GALNT1: variants seen among roughly 807,000 people sequenced by gnomAD.
The protein encoded by GALNT1 is polypeptide N-acetylgalactosaminyltransferase 1, also known as GalNAc transferase 1.
Under a neutral mutation model 65.7 loss-of-function variants are expected in GALNT1, and 17 were observed. The observed-to-expected ratio is 0.26, with a 90% CI of 0.18 to 0.39. GALNT1 has a LOEUF of 0.39. Among genes scored for constraint, GALNT1 ranks in the 10% least tolerant of loss-of-function variants. GALNT1 has a pLI of 1.00. For missense variants in GALNT1, 460 were observed against 672.8 expected (o/e 0.68, Z 3.50); for synonymous variants, 210 against 219.7 (o/e 0.96, Z 0.39).
intron 1 of GALNT1, among the ~76,000 whole-genome samples, chr18:35,589,727 T>C (rs1007921734): frequency 5.9e-5 from 9 of 152,198 alleles, no homozygotes; most frequent in Non-Finnish European, 1.2e-4. Context: ...ATAGGGAAAA[T>C]ACATCTGCTT....
chr18:35,691,495 C>T (rs940049172), intron 8 of GALNT1, among the ~76,000 whole-genome samples: 12 of 152,000 alleles, frequency 7.9e-5, no homozygotes, highest in African/African-American at 2.7e-4. Flanking sequence ...GAAGTTTCAT[C>T]TTGTTAAATT....
intron 2 of GALNT1, among the ~76,000 whole-genome samples, chr18:35,656,657 G>C (rs1036150204): frequency 6.6e-6 from 1 of 152,232 alleles, no homozygotes; most frequent in African/African-American, 2.4e-5. Flanking sequence ...GCCTTTTATG[G>C]CATGCTAGGG....
intron 1 of GALNT1, chr18:35,596,060 G>C (rs2046500610): frequency 6.6e-6 from 1 of 152,204 alleles, no homozygotes; most frequent in African/African-American, 2.4e-5. Flanking sequence ...GAAAACAGCA[G>C]AGAGTTTGGA....
chr18:35,607,080 C>T lies in GALNT1; in HGVS notation c.-104+25218C>T, dbSNP rs548336686. Among the ~76,000 whole-genome samples the T allele has an allele frequency of 9.1e-4, 139 of 152,152 alleles. 1 individual carries two copies. Among genetic ancestry groups the T allele is most frequent in the African/African-American group, 3.2e-3 (132 of 41,506 alleles). On this transcript the variant is annotated intron_variant, in intron 1 of 11. Coordinates refer to ENST00000269195, the MANE Select transcript of GALNT1 (RefSeq NM_020474.4). ...TCAGTAGCACCTGCTGTGATATGAC[C>T]TGGCTTGAAAAGATAAGTAGGCTGG...
chr18:35,632,921 A>G (rs1481384069), intron 1 of GALNT1, among the ~76,000 whole-genome samples: 3 of 152,268 alleles, frequency 2.0e-5, no homozygotes, highest in African/African-American at 4.8e-5. Context: ...GAAGACATTT[A>G]TGCAGCCAAA....
At chr18:35,622,585 C>T (rs182782747) in intron 1 of GALNT1, among the ~76,000 whole-genome samples, 121 of 152,312 alleles carry the variant, frequency 7.9e-4, no homozygotes, top group Non-Finnish European at 1.4e-3. Flanking sequence ...GTACAGAAGA[C>T]GTCAACTGAA....
At chr18:35,706,717 C>T (rs2048268244) in intron 11 of GALNT1, among the ~76,000 whole-genome samples, 1 of 152,106 alleles carries the variant, frequency 6.6e-6, no homozygotes, top group Non-Finnish European at 1.5e-5. Context: ...ATACCTCCCT[C>T]TCCCTGGGCA....
intron 9 of GALNT1, among the ~76,000 whole-genome samples, chr18:35,697,907 A>T (rs1308826907): frequency 6.6e-6 from 1 of 152,226 alleles, no homozygotes; most frequent in East Asian, 1.9e-4. Context: ...AACAATTCCT[A>T]TGAAGAGGAC....
chr18:35,706,117 TG>T (rs997800669), intron 11 of GALNT1, among the ~76,000 whole-genome samples: 3 of 152,162 alleles, frequency 2.0e-5, no homozygotes, highest in Non-Finnish European at 4.4e-5. Flanking sequence ...ATAGAGGGAT[TG>T]GGAAAGACTG....
chr18:35,631,085 C>G (rs186846652), intron 1 of GALNT1, among the ~76,000 whole-genome samples: 52 of 152,212 alleles, frequency 3.4e-4, no homozygotes, highest in Non-Finnish European at 6.6e-4. Flanking sequence ...CAAAAAAAGT[C>G]CAGAACCGGC....
chr18:35,686,966 T>C (rs1210798495), intron 5 of GALNT1, 50 bp from the exon 6 acceptor site: 2 of 1,552,504 alleles, frequency 1.3e-6, no homozygotes, highest in Non-Finnish European at 1.8e-6. Context: ...GTAGTTGGCA[T>C]TAAACAGGAA....
chr18:35,667,647 T>C (rs2047568673), intron 3 of GALNT1, among the ~76,000 whole-genome samples: 1 of 152,226 alleles, frequency 6.6e-6, no homozygotes, highest in Non-Finnish European at 1.5e-5. Context: ...TCTTTTAGTC[T>C]GTAGGTTCCT....
At chr18:35,617,925 CTCT>C (rs772835272) in intron 1 of GALNT1, among the ~76,000 whole-genome samples, 57 of 152,160 alleles carry the variant, frequency 3.7e-4, no homozygotes, top group Non-Finnish European at 4.3e-4. Context: ...CTCTCCCTTT[CTCT>C]TCTTCTTTTC....
Position 35,646,345 on chromosome 18 carries a change from C to T in GALNT1, c.-103-8215C>T, listed in dbSNP as rs550021460. 9.7e-4 allele frequency among the ~76,000 whole-genome samples: 147 copies of T among 152,210 alleles called. 3 individuals are homozygous for T. The South Asian group carries it at 0.01, about 11-fold the overall frequency. The stretch of plus-strand genomic sequence containing the variant: ...CAACATGAGATTTGGGTGGGGACAC[C>T]GAGCCAAACTATATCAAGCATCTTA... On this transcript the variant is annotated intron_variant, in intron 1 of 11. Coordinates refer to ENST00000269195, the MANE Select transcript of GALNT1 (RefSeq NM_020474.4).
At chr18:35,627,350 G>A (rs1445230354) in intron 1 of GALNT1, 1 of 152,268 alleles carries the variant, frequency 6.6e-6, no homozygotes, top group Non-Finnish European at 1.5e-5. Flanking sequence ...CTACAGTTAA[G>A]TGGAACAGGG....
chr18:35,625,500 A>T (rs2046906024), intron 1 of GALNT1, among the ~76,000 whole-genome samples: 1 of 152,236 alleles, frequency 6.6e-6, no homozygotes, highest in Non-Finnish European at 1.5e-5. Flanking sequence ...TAGGTAGGAC[A>T]TTACAGTTAC....
chr18:35,591,250 G>A (rs2046440244), intron 1 of GALNT1, among the ~76,000 whole-genome samples: 1 of 152,190 alleles, frequency 6.6e-6, no homozygotes, highest in South Asian at 2.1e-4. Context: ...TTTGAGAAGG[G>A]GATGCAACAC....
rs188807354 is a variant in GALNT1 at position 35,599,842 on chromosome 18, G to A, written c.-104+17980G>A. Among the ~76,000 whole-genome samples, 59 of 152,262 alleles carry A rather than the reference G, an allele frequency of 3.9e-4. 1 individual carries two copies. The highest frequency in any genetic ancestry group is 1.4e-3 in the African/African-American group (59 of 41,548). On this transcript the variant is annotated intron_variant, in intron 1 of 11. Coordinates refer to ENST00000269195, the MANE Select transcript of GALNT1 (RefSeq NM_020474.4). ...TCAAAAATGAGTTGGCTGTAAATGC[G>A]TGGATTTCTATCTGGGTTCTGTATT... is the stretch of plus-strand genomic sequence containing the variant.
At chr18:35,645,435 G>A (rs1048883992) in intron 1 of GALNT1, among the ~76,000 whole-genome samples, 5 of 151,762 alleles carry the variant, frequency 3.3e-5, no homozygotes, top group Non-Finnish European at 5.9e-5. Context: ...GGGTTTCACC[G>A]TGTTAGCCAG....
Sources: allele counts gnomAD v4.1 joint callset (sites outside exome capture counted in the v4.1 genomes callset), GRCh38; gene constraint gnomAD v4.1.1; transcripts MANE v1.5; gene names NCBI Gene and HGNC (gene_info 2026-07-23, HGNC 2026-07-21).